CNTNAP2: variants seen among roughly 807,000 people sequenced by gnomAD.
CNTNAP2 encodes the protein contactin-associated protein-like 2.
Under a neutral mutation model 155.2 loss-of-function variants are expected in CNTNAP2, and 98 were observed. The ratio of observed to expected loss-of-function variants is 0.63; its 90% CI spans 0.54 to 0.75. CNTNAP2 has a LOEUF of 0.75. CNTNAP2 is among the 30% of genes least tolerant of loss of function. The probability of loss-of-function intolerance (pLI) is 0.00; values close to 1 mark genes in which losing one functional copy is unlikely to be tolerated. For missense variants in CNTNAP2, 1,727 were observed against 1,688.1 expected (o/e 1.02, Z -0.40); for synonymous variants, 651 against 631.2 (o/e 1.03, Z -0.47).
intron 12 of CNTNAP2, among the ~76,000 whole-genome samples, chr7:147,606,563 C>G (rs1801067150): frequency 6.6e-6 from 1 of 152,152 alleles, no homozygotes; most frequent in South Asian, 2.1e-4. Context: ...TTCATTAACT[C>G]AGCAAGTATT....
chr7:147,112,153 A>C lies in CNTNAP2; in HGVS notation c.754+3803A>C, dbSNP rs1800893113. 3.9e-5 allele frequency among the ~76,000 whole-genome samples: 6 copies of C among 152,110 alleles called. 2 individuals carry two copies. In the South Asian group the frequency reaches 1.2e-3, roughly 32 times the overall value. ...TTTTGGCAATTGTGAATGAGAGTTCATTCATAATTTGACTCTCTGATTGCT... is the reference window on the plus strand; with the variant it reads ...TTTTGGCAATTGTGAATGAGAGTTCCTTCATAATTTGACTCTCTGATTGCT... On this transcript the variant is annotated intron_variant, in intron 5 of 23. Coordinates refer to ENST00000361727, the MANE Select transcript of CNTNAP2 (RefSeq NM_014141.6).
intron 21 of CNTNAP2, among the ~76,000 whole-genome samples, chr7:148,383,208 A>T (rs1430133363): frequency 4.8e-4 from 40 of 83,004 alleles, no homozygotes; most frequent in African/African-American, 7.8e-4. Context: ...TTTTTTTTTT[A>T]AAGAATTCTG....
intron 15 of CNTNAP2, among the ~76,000 whole-genome samples, chr7:148,051,556 A>G (rs17170811): frequency 0.038 from 5,785 of 152,258 alleles, 200 homozygotes; most frequent in African/African-American, 0.09. Flanking sequence ...ACTGATTAGA[A>G]TGTCAGAATA....
rs541873018 is a variant in CNTNAP2, at chr7:147,023,861, C to T, written c.403-20046C>T. ...AATTATTTTTTAAAAGACTATTATT[C>T]CCACATTTTCCCTCTACACTTGGTT... On this transcript the variant is annotated intron_variant, in intron 3 of 23. Coordinates refer to ENST00000361727, the MANE Select transcript of CNTNAP2 (RefSeq NM_014141.6). Among the ~76,000 whole-genome samples the T allele has an allele frequency of 2.0e-4, 31 of 152,254 alleles. No homozygotes were observed. In the South Asian group the frequency reaches 3.3e-3, roughly 16 times the overall value.
At chr7:146,471,703 AGTT>A (rs1241792195) in intron 1 of CNTNAP2, among the ~76,000 whole-genome samples, 4 of 152,250 alleles carry the variant, frequency 2.6e-5, no homozygotes, top group Admixed American at 6.5e-5. Flanking sequence ...ACACATATAT[AGTT>A]AACACAAAAT....
chr7:147,884,131 G>A (rs562625680), intron 13 of CNTNAP2, among the ~76,000 whole-genome samples: 1 of 152,288 alleles, frequency 6.6e-6, no homozygotes, highest in East Asian at 1.9e-4. Flanking sequence ...GAGAATTTCA[G>A]GTGGCAAAAA....
intron 4 of CNTNAP2, among the ~76,000 whole-genome samples, chr7:147,047,772 A>T (rs148775666): frequency 1.4e-3 from 216 of 152,314 alleles, no homozygotes; most frequent in African/African-American, 4.6e-3. Flanking sequence ...GGCTTTGACA[A>T]TTACAAGACA....
chr7:147,970,914 G>A (rs1226594960), intron 14 of CNTNAP2, among the ~76,000 whole-genome samples: 1 of 152,196 alleles, frequency 6.6e-6, no homozygotes, highest in East Asian at 1.9e-4. Context: ...AAATTGGTGG[G>A]ACATTCTGTG....
chr7:147,791,243 A>T (rs1408424934), intron 13 of CNTNAP2, among the ~76,000 whole-genome samples: 1 of 151,254 alleles, frequency 6.6e-6, no homozygotes, highest in Non-Finnish European at 1.5e-5. Flanking sequence ...TTCTGTGTTG[A>T]TTTTTTCCCT....
intron 21 of CNTNAP2, among the ~76,000 whole-genome samples, chr7:148,334,292 G>A (rs935420621): frequency 6.6e-5 from 10 of 152,134 alleles, no homozygotes; most frequent in Non-Finnish European, 1.2e-4. Flanking sequence ...ACTCAAGGGA[G>A]GACAGAGGCA....
At chr7:147,947,195 G>T (rs1800835964) in intron 14 of CNTNAP2, among the ~76,000 whole-genome samples, 1 of 152,078 alleles carries the variant, frequency 6.6e-6, no homozygotes, top group African/African-American at 2.4e-5. Flanking sequence ...AAGTCTTTCT[G>T]GGTGCAGTGG....
At chr7:146,980,464 A>G (rs988704090) in intron 3 of CNTNAP2, among the ~76,000 whole-genome samples, 1 of 152,174 alleles carries the variant, frequency 6.6e-6, no homozygotes, top group East Asian at 1.9e-4. Flanking sequence ...ATTGGAGACC[A>G]GGTGTGGAAT....
At chr7:147,440,892 T>G (rs1797625773) in intron 10 of CNTNAP2, among the ~76,000 whole-genome samples, 1 of 152,138 alleles carries the variant, frequency 6.6e-6, no homozygotes, top group Non-Finnish European at 1.5e-5. Context: ...TTAGGATCCT[T>G]TCTTTATCCT....
intron 13 of CNTNAP2, among the ~76,000 whole-genome samples, chr7:147,901,919 G>T (rs1176229787): frequency 6.6e-6 from 1 of 152,186 alleles, no homozygotes. Context: ...GGGCTAATCT[G>T]CTGTGTGGTT....
chr7:146,793,787 A>AGT (rs1467436883), intron 2 of CNTNAP2, among the ~76,000 whole-genome samples: 2 of 152,166 alleles, frequency 1.3e-5, no homozygotes, highest in African/African-American at 4.8e-5. Context: ...AGACAGCATA[A>AGT]GTGGTGTCAA....
intron 1 of CNTNAP2, among the ~76,000 whole-genome samples, chr7:146,174,286 C>T (rs1369005330): frequency 6.6e-6 from 1 of 151,850 alleles, no homozygotes; most frequent in Non-Finnish European, 1.5e-5. Context: ...ATGTAAGATT[C>T]TCCATGAACT....
At chr7:146,726,227 A>G (rs1801428900) in intron 1 of CNTNAP2, among the ~76,000 whole-genome samples, 1 of 152,302 alleles carries the variant, frequency 6.6e-6, no homozygotes, top group East Asian at 1.9e-4. Context: ...TTTCTAGAAC[A>G]TACATTTAGG....
At chr7:147,968,328 T>C (rs895074250) in intron 14 of CNTNAP2, among the ~76,000 whole-genome samples, 6 of 152,246 alleles carry the variant, frequency 3.9e-5, no homozygotes, top group African/African-American at 1.4e-4. Flanking sequence ...AAGCAGTAAT[T>C]GAATCTGTAA....
At chr7:146,912,170 C>T (rs541804157) in intron 3 of CNTNAP2, among the ~76,000 whole-genome samples, 74 of 150,122 alleles carry the variant, frequency 4.9e-4, no homozygotes, top group African/African-American at 1.7e-3. Flanking sequence ...TGGAATATGG[C>T]TGTATTCGTC....
Sources: allele counts gnomAD v4.1 joint callset (sites outside exome capture counted in the v4.1 genomes callset), GRCh38; gene constraint gnomAD v4.1.1; transcripts MANE v1.5; gene names NCBI Gene and HGNC (gene_info 2026-07-23, HGNC 2026-07-21).